The following ALKAL1 variants were observed in gnomAD, a reference collection of about 807,000 sequenced individuals.
The protein encoded by ALKAL1 is AUG-beta.
In ALKAL1, 23 loss-of-function variants were observed where a neutral mutation model predicts 13.5. That is an observed-to-expected ratio of 1.70 (90% CI 1.23 to 2.41). The LOEUF (loss-of-function observed/expected upper bound fraction) is 2.41. Among genes scored for constraint, ALKAL1 ranks in the 30% most tolerant of loss-of-function variants. The probability of loss-of-function intolerance (pLI) is 0.00; values close to 1 mark genes in which losing one functional copy is unlikely to be tolerated. For missense variants in ALKAL1, 181 were observed against 178.4 expected (o/e 1.01, Z -0.08); for synonymous variants, 85 against 77.7 (o/e 1.09, Z -0.49).
intron 4 of ALKAL1, among the ~76,000 whole-genome samples, chr8:52,536,015 C>T (rs955837897): frequency 1.1e-4 from 16 of 152,166 alleles, no homozygotes; most frequent in East Asian, 9.7e-4. Flanking sequence ...CTCAGCTCAC[C>T]GTAATCTCCA....
intron 1 of ALKAL1, among the ~76,000 whole-genome samples, chr8:52,559,803 C>T (rs1433732716): frequency 2.0e-5 from 3 of 152,094 alleles, no homozygotes; most frequent in African/African-American, 7.2e-5. Context: ...AATAGGTCTG[C>T]TTTAGCTTTG....
chr8:52,562,107 T>A (rs1056195008), intron 1 of ALKAL1, among the ~76,000 whole-genome samples: 1 of 152,088 alleles, frequency 6.6e-6, no homozygotes, highest in Non-Finnish European at 1.5e-5. Context: ...GTTTGTGCCA[T>A]CCTGCTGGTG....
chr8:52,534,926 A>G (rs1424929226), intron 4 of ALKAL1, among the ~76,000 whole-genome samples: 1 of 152,230 alleles, frequency 6.6e-6, no homozygotes, highest in Non-Finnish European at 1.5e-5. Flanking sequence ...ACCTTATTAA[A>G]TAAATAATTC....
At chr8:52,549,144 T>A (rs550934280) in intron 1 of ALKAL1, among the ~76,000 whole-genome samples, 1 of 152,122 alleles carries the variant, frequency 6.6e-6, no homozygotes, top group African/African-American at 2.4e-5. Context: ...TTATTTTATG[T>A]TTCAATCTAG....
At chr8:52,553,989 C>T (rs1325228082) in intron 1 of ALKAL1, among the ~76,000 whole-genome samples, 3 of 152,022 alleles carry the variant, frequency 2.0e-5, no homozygotes, top group Non-Finnish European at 2.9e-5. Flanking sequence ...TTTGGGAGGC[C>T]GAGGCGGGCA....
chr8:52,563,114 G>A (rs766735916), intron 1 of ALKAL1, among the ~76,000 whole-genome samples: 1 of 152,190 alleles, frequency 6.6e-6, no homozygotes, highest in Non-Finnish European at 1.5e-5. Flanking sequence ...TAAAACTTCA[G>A]ATGGTTGCCG....
intron 1 of ALKAL1, among the ~76,000 whole-genome samples, chr8:52,557,116 T>C (rs1847492444): frequency 6.6e-6 from 1 of 152,234 alleles, no homozygotes; most frequent in Non-Finnish European, 1.5e-5. Context: ...CAGGCATATA[T>C]GCTGGCAATA....
Position 52,535,897 on chromosome 8 carries a change from G to A in ALKAL1, c.*13-1297C>T, listed in dbSNP as rs188764075. ...TATTGATATTGAGTTACACTGGCCA[G>A]TTCAAGATATTCATGAGTAATCTTA... On this transcript the variant is annotated intron_variant, in intron 4 of 4. Coordinates refer to ENST00000358543, the MANE Select transcript of ALKAL1 (RefSeq NM_207413.4). 2.8e-4 allele frequency among the ~76,000 whole-genome samples: 42 copies of A among 152,192 alleles called. 1 individual carries two copies. The East Asian group carries it at 7.3e-3, about 27-fold the overall frequency.
intron 2 of ALKAL1, 42 bp downstream of exon 2, chr8:52,542,350 T>G: frequency 7.6e-7 from 1 of 1,310,020 alleles, no homozygotes; most frequent in South Asian, 1.3e-5. Flanking sequence ...CACACAGTCT[T>G]TTTATTTAGT....
rs186473974 is a variant in ALKAL1, at chr8:52,546,503, C to T, written c.191-4058G>A. Among the ~76,000 whole-genome samples, 90 of 152,354 alleles carry T rather than the reference C, an allele frequency of 5.9e-4. 1 individual carries two copies. The highest frequency in any genetic ancestry group is 2.0e-3 in the African/African-American group (84 of 41,586). ...ACTTTAGCCCAGTTAGTTGCTTTGG[C>T]TTACTCAGGCATGTCTGGACAGGCC... is the stretch of plus-strand genomic sequence containing the variant. On this transcript the variant is annotated intron_variant, in intron 1 of 4. Transcript: ENST00000358543.
intron 1 of ALKAL1, among the ~76,000 whole-genome samples, chr8:52,552,764 G>A (rs976491037): frequency 6.6e-6 from 1 of 152,008 alleles, no homozygotes; most frequent in African/African-American, 2.4e-5. Flanking sequence ...CTTTGTATTT[G>A]TTATCACTTT....
At chr8:52,559,798 G>A (rs1421781579) in intron 1 of ALKAL1, among the ~76,000 whole-genome samples, 2 of 152,098 alleles carry the variant, frequency 1.3e-5, no homozygotes, top group African/African-American at 2.4e-5. Context: ...AAGACAATAG[G>A]TCTGCTTTAG....
At chr8:52,535,985 C>T (rs1847263808) in intron 4 of ALKAL1, among the ~76,000 whole-genome samples, 1 of 152,250 alleles carries the variant, frequency 6.6e-6, no homozygotes, top group South Asian at 2.1e-4. Flanking sequence ...GTTGCCAAGC[C>T]TGGAGTGCAG....
chr8:52,558,185 CTT>C (rs972469649), intron 1 of ALKAL1, among the ~76,000 whole-genome samples: 1 of 139,942 alleles, frequency 7.1e-6, no homozygotes, highest in Non-Finnish European at 1.6e-5. Context: ...CACACATATA[CTT>C]TTTTTTTTTA....
rs561719010 is a variant in ALKAL1, at chr8:52,558,759, TAA to T, written c.190+6306_190+6307del. ...AAAATTTGGATAGTACTGATTTGTA[TAA>T]AGTTTCCTTTACTGCAGGACTTCGT... On this transcript the variant is annotated intron_variant, in intron 1 of 4. Transcript: ENST00000358543. 5.9e-4 allele frequency among the ~76,000 whole-genome samples: 90 copies of T among 152,352 alleles called. 3 individuals carry two copies. The South Asian group carries it at 0.018, about 31-fold the overall frequency.
intron 4 of ALKAL1, among the ~76,000 whole-genome samples, chr8:52,535,550 C>CAAAAAAAAAAAAAAAAAAAAAAAGAAA (rs1847257906): frequency 4.4e-5 from 3 of 68,624 alleles, no homozygotes; most frequent in African/African-American, 5.8e-5. Flanking sequence ...GACCCTGTCT[C>CAAAAAAAAAAAAAAAAAAAAAAAGAAA]AAAAAAAAAA....
At chr8:52,563,979 T>C (rs565972463) in intron 1 of ALKAL1, among the ~76,000 whole-genome samples, 3 of 152,316 alleles carry the variant, frequency 2.0e-5, no homozygotes, top group African/African-American at 7.2e-5. Flanking sequence ...CGAAGAAAGT[T>C]TGTGGAGTGA....
At chr8:52,555,881 G>A (rs977304342) in intron 1 of ALKAL1, among the ~76,000 whole-genome samples, 2 of 152,126 alleles carry the variant, frequency 1.3e-5, no homozygotes, top group Admixed American at 6.5e-5. Context: ...TTAGGGACCC[G>A]TGAAGACAAA....
intron 1 of ALKAL1, among the ~76,000 whole-genome samples, chr8:52,554,016 G>A (rs1475019896): frequency 6.6e-6 from 1 of 152,210 alleles, no homozygotes; most frequent in Non-Finnish European, 1.5e-5. Flanking sequence ...CTGTGGTCGG[G>A]AGTTCGAAAC....
Sources: gnomAD v4.1 joint callset for allele counts (sites outside exome capture counted in the v4.1 genomes callset) on GRCh38, gnomAD v4.1.1 for gene constraint, MANE v1.5 for transcripts, NCBI Gene and HGNC (gene_info 2026-07-23, HGNC 2026-07-21) for gene names.